The following USP16 variants were observed in gnomAD, a reference collection of about 807,000 sequenced individuals.
USP16 encodes the protein ubiquitin carboxyl-terminal hydrolase 16.
In USP16, 77 loss-of-function variants were observed where a neutral mutation model predicts 95.9. That is an observed-to-expected ratio of 0.80 (90% CI 0.67 to 0.97). USP16 has a LOEUF of 0.97. Ranked by LOEUF, USP16 falls within the 50% of genes least tolerant of loss-of-function variation. The probability of loss-of-function intolerance (pLI) is 0.00; values close to 1 mark genes in which losing one functional copy is unlikely to be tolerated. For missense variants in USP16, 943 were observed against 959.9 expected, an observed-to-expected ratio of 0.98 and a Z score of 0.23; for synonymous variants, 303 against 318.2, an observed-to-expected ratio of 0.95 and a Z score of 0.51.
Position 29,039,461 on chromosome 21 carries a change from G to A in USP16, c.864-20G>A, listed in dbSNP as rs1276289115. 1.9e-6 allele frequency: 3 copies of A among 1,609,774 alleles called. No homozygotes were observed. The highest frequency in any genetic ancestry group is 2.5e-6 in the Non-Finnish European group (3 of 1,177,376). On this transcript the variant is annotated intron_variant, in intron 8 of 17. Transcript: ENST00000399976. ...TTAGTAGACTGAAGATTGCTTTTCT[G>A]TCTTTTTGTTTTTCTCTAGAGCAGT...
chr21:29,045,314 G>T (rs2085306640), intron 13 of USP16, among the ~76,000 whole-genome samples: 1 of 152,146 alleles, frequency 6.6e-6, no homozygotes, highest in Non-Finnish European at 1.5e-5. Context: ...GTTACAACCA[G>T]AAATGCCTTT....
chr21:29,039,900 C>T (rs1047133424), intron 9 of USP16, among the ~76,000 whole-genome samples: 5 of 152,156 alleles, frequency 3.3e-5, no homozygotes, highest in African/African-American at 7.2e-5. Flanking sequence ...CACACCCTTA[C>T]TTTTAATTCT....
chr21:29,048,714 G>A, intron 14 of USP16, 47 bp from the exon 15 acceptor site: 1 of 1,417,342 alleles, frequency 7.1e-7, no homozygotes, highest in South Asian at 1.2e-5. Flanking sequence ...ATGCTTTAGG[G>A]GTCTAAAATG....
intron 6 of USP16, 116 bp downstream of exon 6, chr21:29,037,579 CTTT>C (rs71189336): frequency 0.072 from 13,058 of 182,086 alleles, 9 homozygotes; most frequent in South Asian, 0.12. Flanking sequence ...CCAAAGAAAA[CTTT>C]TTTTTTTTTT....
chr21:29,036,354 G>A lies in USP16; in HGVS notation c.428G>A (p.Ser143Asn), dbSNP rs371115282. The A allele has an allele frequency of 6.2e-7, 1 of 1,613,708 alleles. No homozygotes were observed. The highest frequency in any genetic ancestry group is 8.5e-7 in the Non-Finnish European group (1 of 1,179,802). ...GTTGATTATGTCAGAAAACAAGCCA[G>A]CATTACAACTCCAAAGCCAGGTAAA... is the stretch of plus-strand genomic sequence containing the variant. Reference protein sequence around the residue: ...QVVDYVRKQASITTPKPAEKD... With the variant: ...QVVDYVRKQANITTPKPAEKD... Residue 143 changes from serine (S) to asparagine (N), a missense_variant, in exon 5 of 18, where the codon AGC becomes AAC. Coordinates refer to ENST00000399976, the MANE Select transcript of USP16 (RefSeq NM_006447.3).
intron 16 of USP16, 76 bp downstream of exon 16, chr21:29,050,254 C>A: frequency 7.7e-7 from 1 of 1,304,852 alleles, no homozygotes; most frequent in Non-Finnish European, 1.1e-6. Context: ...AGTAGCAACT[C>A]ACTTAAGTAT....
chr21:29,051,555 G>A (rs1367244477), intron 16 of USP16, among the ~76,000 whole-genome samples: 3 of 152,242 alleles, frequency 2.0e-5, no homozygotes, highest in African/African-American at 7.2e-5. Flanking sequence ...TTGGGGCTGG[G>A]CGTGGTGGCT....
intron 5 of USP16, among the ~76,000 whole-genome samples, chr21:29,036,649 C>T (rs1182657598): frequency 6.6e-6 from 1 of 152,200 alleles, no homozygotes; most frequent in Non-Finnish European, 1.5e-5. Context: ...TACTATAGAC[C>T]TGCCTTACAC....
chr21:29,038,503 C>A, intron 7 of USP16, 73 bp downstream of exon 7: 1 of 1,110,622 alleles, frequency 9.0e-7, no homozygotes, highest in Non-Finnish European at 1.3e-6. Context: ...TTTTAAATAA[C>A]TGACACTCAT....
chr21:29,038,562 C>A, intron 7 of USP16, 132 bp downstream of exon 7: 1 of 704,634 alleles, frequency 1.4e-6, no homozygotes, highest in Non-Finnish European at 2.4e-6. Context: ...CTAACTTAAA[C>A]AGTTTCAGGC....
At chr21:29,026,455 CA>C (rs542051832) in intron 1 of USP16, 63,067 of 82,204 alleles carry the variant, frequency 0.77, 22,822 homozygotes, top group South Asian at 0.86. Flanking sequence ...GACTCCGTCT[CA>C]AAAAAAAAAA....
intron 9 of USP16, 138 bp from the exon 10 acceptor site, chr21:29,040,471 T>A (rs951601367): frequency 3.2e-6 from 1 of 317,232 alleles, no homozygotes; most frequent in Non-Finnish European, 5.8e-6. Flanking sequence ...TGAATTAAGT[T>A]TGAAAATGTG....
At chr21:29,032,345 C>T (rs1417119687) in intron 3 of USP16, among the ~76,000 whole-genome samples, 1 of 152,146 alleles carries the variant, frequency 6.6e-6, no homozygotes, top group African/African-American at 2.4e-5. Context: ...GATCCTCCCA[C>T]CTCAGCCTCC....
At chr21:29,045,953 G>GC (rs1568895880) in intron 13 of USP16, among the ~76,000 whole-genome samples, 2 of 151,908 alleles carry the variant, frequency 1.3e-5, no homozygotes, top group African/African-American at 4.8e-5. Flanking sequence ...TTACAGGCGC[G>GC]CACCACCCAT....
At chr21:29,027,814 T>C in intron 1 of USP16, 59 bp from the exon 2 acceptor site, 1 of 1,211,330 alleles carries the variant, frequency 8.3e-7, no homozygotes, top group Non-Finnish European at 1.2e-6. Context: ...TACTGTCTCC[T>C]AGAGAAATAT....
chr21:29,053,763 G>A, intron 16 of USP16, 39 bp from the exon 17 acceptor site: 1 of 1,598,152 alleles, frequency 6.3e-7, no homozygotes, highest in Non-Finnish European at 8.5e-7. Flanking sequence ...TGTGTAAATG[G>A]AACTAGAACT....
intron 4 of USP16, among the ~76,000 whole-genome samples, chr21:29,035,311 G>A (rs974566001): frequency 3.1e-4 from 47 of 151,918 alleles, no homozygotes; most frequent in Admixed American, 1.3e-3. Context: ...ATGCTGCATT[G>A]TAACATCATT....
intron 16 of USP16, chr21:29,052,299 T>C (rs369773911): frequency 3.0e-4 from 45 of 152,346 alleles, no homozygotes; most frequent in African/African-American, 7.9e-4. Flanking sequence ...CTGGACAAGA[T>C]ATACTGGGCA....
intron 8 of USP16, 92 bp from the exon 9 acceptor site, chr21:29,039,389 G>T: frequency 7.2e-7 from 1 of 1,383,424 alleles, no homozygotes; most frequent in East Asian, 2.5e-5. Context: ...AGAACTCTCT[G>T]AGATTTGGGA....
Sources: allele counts gnomAD v4.1 joint callset (sites outside exome capture counted in the v4.1 genomes callset), GRCh38; gene constraint gnomAD v4.1.1; transcripts MANE v1.5; gene names NCBI Gene and HGNC (gene_info 2026-07-23, HGNC 2026-07-21).